The following PCDHA3 variants were observed in gnomAD, a reference collection of about 807,000 sequenced individuals.
PCDHA3 encodes the protein protocadherin alpha-3.
A neutral mutation model predicts 62.2 loss-of-function variants in PCDHA3; 41 were observed. That is an observed-to-expected ratio of 0.66 (90% CI 0.51 to 0.86). The LOEUF (loss-of-function observed/expected upper bound fraction) is 0.86, where lower values mean the gene tolerates loss of function less well. PCDHA3 is among the 40% of genes least tolerant of loss of function. The probability of loss-of-function intolerance (pLI) is 0.00; values close to 1 mark genes in which losing one functional copy is unlikely to be tolerated. For synonymous variants in PCDHA3, 640 were observed against 555.4 expected, an observed-to-expected ratio of 1.15 and a Z score of -2.14; for missense variants, 1,304 against 1,241.2, an observed-to-expected ratio of 1.05 and a Z score of -0.76.
At chr5:140,851,067 G>T in intron 1 of PCDHA3, 7 of 1,367,668 alleles carry the variant, frequency 5.1e-6, no homozygotes, top group Non-Finnish European at 6.7e-6. Context: ...CTTCTAGTGA[G>T]AATTATAAAC....
chr5:140,927,078 C>T, intron 1 of PCDHA3: 1 of 1,611,014 alleles, frequency 6.2e-7, no homozygotes, highest in Non-Finnish European at 8.5e-7. Context: ...CCAGCCACCG[C>T]GAGCTCTACT....
intron 1 of PCDHA3, among the ~76,000 whole-genome samples, chr5:140,952,166 G>A (rs2094699360): frequency 6.6e-6 from 1 of 152,072 alleles, no homozygotes; most frequent in African/African-American, 2.4e-5. Flanking sequence ...GTGGGGTTCA[G>A]TTCCTGCAGC....
intron 1 of PCDHA3, among the ~76,000 whole-genome samples, chr5:140,887,337 C>T (rs2153419784): frequency 6.6e-6 from 1 of 152,268 alleles, no homozygotes; most frequent in East Asian, 1.9e-4. Flanking sequence ...ACCTCGTGAT[C>T]CACCTGGCTC....
intron 1 of PCDHA3, chr5:140,834,303 G>T (rs2150215099): frequency 7.6e-7 from 1 of 1,308,316 alleles, no homozygotes; most frequent in Admixed American, 2.2e-5. Context: ...CACACATCGA[G>T]ATTGAAATGA....
At chr5:140,849,149 C>T (rs1423345877) in intron 1 of PCDHA3, 1 of 1,253,130 alleles carries the variant, frequency 8.0e-7, no homozygotes, top group African/African-American at 1.8e-5. Context: ...CCGATGGAGG[C>T]AAACCCGAGC....
At chr5:140,834,577 G>C (rs1554134334) in intron 1 of PCDHA3, 2 of 1,614,058 alleles carry the variant, frequency 1.2e-6, no homozygotes, top group Non-Finnish European at 1.7e-6. Context: ...CGCCTGTTCC[G>C]GGCGGTGTGC....
chr5:140,850,279 G>A lies in PCDHA3; in HGVS notation c.2394+46688G>A, dbSNP rs140634296. On this transcript the variant is annotated intron_variant, in intron 1 of 3. Coordinates refer to ENST00000522353, the MANE Select transcript of PCDHA3 (RefSeq NM_018906.3). ...GCCGGCGTAGTGGTGGGGAAGGTGC[G>A]CGCAGTGGACGCCGACTCGGGCTAC... The A allele has an allele frequency of 3.4e-5, 54 of 1,595,452 alleles. 4 individuals carry two copies. The highest frequency in any genetic ancestry group is 4.5e-5 in the Non-Finnish European group (53 of 1,167,590).
chr5:140,870,358 G>A (rs201159213), intron 1 of PCDHA3: 4 of 1,614,098 alleles, frequency 2.5e-6, no homozygotes, highest in Non-Finnish European at 3.4e-6. Context: ...GAACGTGTGG[G>A]CCTATGAACT....
chr5:140,892,219 A>T (rs1248122428), intron 1 of PCDHA3, among the ~76,000 whole-genome samples: 2 of 152,118 alleles, frequency 1.3e-5, no homozygotes, highest in Non-Finnish European at 2.9e-5. Flanking sequence ...TTGTATCTTT[A>T]TGGTGTTTTG....
intron 1 of PCDHA3, chr5:140,884,134 C>A: frequency 6.2e-6 from 10 of 1,613,442 alleles, no homozygotes; most frequent in Non-Finnish European, 7.6e-6. Context: ...GCATCCCGTT[C>A]CGCGTGGGGC....
At chr5:141,006,328 C>CA (rs1258327155) in intron 3 of PCDHA3, among the ~76,000 whole-genome samples, 12 of 152,060 alleles carry the variant, frequency 7.9e-5, no homozygotes, top group Non-Finnish European at 1.6e-4. Flanking sequence ...TCTCCTGCCT[C>CA]AGCCTCCTGA....
rs2150122693 is a variant in PCDHA3, at chr5:140,823,137, C to T, written c.2394+19546C>T. Reference sequence around the variant, plus strand: ...ACGTGAACGACAACGCTCCGGCGTTCGCGCAGCCCCAGTATACCGTGTTCG... The same window carrying T: ...ACGTGAACGACAACGCTCCGGCGTTTGCGCAGCCCCAGTATACCGTGTTCG... On this transcript the variant is annotated intron_variant, in intron 1 of 3. Coordinates refer to ENST00000522353, the MANE Select transcript of PCDHA3 (RefSeq NM_018906.3). 50 of 1,613,704 alleles carry T rather than the reference C, an allele frequency of 3.1e-5. 1 individual carries two copies. The South Asian group carries it at 4.9e-4, about 16-fold the overall frequency.
intron 1 of PCDHA3, among the ~76,000 whole-genome samples, chr5:140,819,727 T>C (rs1196998494): frequency 6.6e-6 from 1 of 152,070 alleles, no homozygotes; most frequent in African/African-American, 2.4e-5. Flanking sequence ...TTAACAGATA[T>C]GAAAGTGAAT....
intron 1 of PCDHA3, chr5:140,875,236 C>T: frequency 1.1e-6 from 1 of 889,228 alleles, no homozygotes. Context: ...CTTTCTTGTA[C>T]TTACATAATC....
chr5:140,951,659 C>T (rs1293655737), intron 1 of PCDHA3, among the ~76,000 whole-genome samples: 3 of 152,164 alleles, frequency 2.0e-5, no homozygotes, highest in African/African-American at 7.2e-5. Flanking sequence ...CCCACCAGGG[C>T]CTGCCTACAA....
intron 1 of PCDHA3, among the ~76,000 whole-genome samples, chr5:140,874,267 A>G (rs929129030): frequency 6.6e-6 from 1 of 152,232 alleles, no homozygotes; most frequent in Non-Finnish European, 1.5e-5. Flanking sequence ...TGACTTGAGT[A>G]TTAATAGACT....
In PCDHA3 at chr5:140,858,669, A is replaced by G; in HGVS notation, c.2394+55078A>G. The G allele has an allele frequency of 4.4e-6, 3 of 676,742 alleles. 1 individual carries two copies. Among genetic ancestry groups the G allele is most frequent in the Non-Finnish European group, 7.2e-6 (3 of 415,418 alleles). 41.9% of individuals were successfully genotyped at this position (676,742 alleles called of 1,614,324 possible). On this transcript the variant is annotated intron_variant, in intron 1 of 3. Coordinates refer to ENST00000522353, the MANE Select transcript of PCDHA3 (RefSeq NM_018906.3). ...CTTAAATTTTTTTAAATAACAATTT[A>G]TTCTGAATACACTAATATTTTCCAA...
At chr5:140,988,698 A>G (rs1563551697) in intron 3 of PCDHA3, among the ~76,000 whole-genome samples, 1 of 152,116 alleles carries the variant, frequency 6.6e-6, no homozygotes, top group East Asian at 1.9e-4. Context: ...GACGCTCTGT[A>G]TTTTCTTGGA....
intron 1 of PCDHA3, chr5:140,857,926 C>G (rs1351185942): frequency 2.5e-6 from 4 of 1,597,606 alleles, no homozygotes; most frequent in East Asian, 2.2e-5. Flanking sequence ...TGGGGCTGTA[C>G]ACGGGCGAGA....
Sources: allele counts gnomAD v4.1 joint callset (sites outside exome capture counted in the v4.1 genomes callset), GRCh38; gene constraint gnomAD v4.1.1; transcripts MANE v1.5; gene names NCBI Gene and HGNC (gene_info 2026-07-23, HGNC 2026-07-21).